Variants in KCNMA1 observed in about 807,000 individuals in gnomAD.
KCNMA1 encodes potassium calcium-activated channel subfamily M alpha 1, also known as Calcium-activated potassium channel subunit alpha-1.
Under a neutral mutation model 140.0 loss-of-function variants are expected in KCNMA1, and 29 were observed. The observed-to-expected ratio is 0.21, with a 90% CI of 0.15 to 0.28. The LOEUF (loss-of-function observed/expected upper bound fraction) is 0.28, where lower values mean the gene tolerates loss of function less well. Ranked by LOEUF, KCNMA1 falls within the 10% of genes least tolerant of loss-of-function variation. The pLI, the probability that KCNMA1 is intolerant of heterozygous loss-of-function variation, is 1.00. For missense variants in KCNMA1, 880 were observed against 1,602.2 expected (o/e 0.55, Z 7.70); for synonymous variants, 612 against 611.9 (o/e 1.00, Z 0.00).
chr10:76,926,283 G>T (rs963417336), intron 23 of KCNMA1, among the ~76,000 whole-genome samples: 4 of 152,106 alleles, frequency 2.6e-5, no homozygotes, highest in African/African-American at 9.7e-5. Context: ...ATGAGTTTGG[G>T]TCCTGCCTCT....
intron 1 of KCNMA1, among the ~76,000 whole-genome samples, chr10:77,533,003 A>G (rs557854684): frequency 6.6e-6 from 1 of 152,304 alleles, no homozygotes; most frequent in East Asian, 1.9e-4. Context: ...ATTATTCTAT[A>G]ACTTTTATTG....
At chr10:77,290,437 G>A (rs1409979482) in intron 2 of KCNMA1, among the ~76,000 whole-genome samples, 2 of 152,200 alleles carry the variant, frequency 1.3e-5, no homozygotes, top group African/African-American at 2.4e-5. Flanking sequence ...ATGAGGGACT[G>A]AAGGCCTGGG....
chr10:77,609,299 A>G (rs2085834349), intron 1 of KCNMA1, among the ~76,000 whole-genome samples: 1 of 152,250 alleles, frequency 6.6e-6, no homozygotes, highest in African/African-American at 2.4e-5. Context: ...TTCCAACAAC[A>G]TGGATGAACC....
intron 13 of KCNMA1, 117 bp downstream of exon 13, chr10:77,079,364 G>T (rs2096495775): frequency 1.5e-5 from 11 of 714,330 alleles, no homozygotes; most frequent in Non-Finnish European, 2.5e-5. Flanking sequence ...ATGTGGGCAT[G>T]TGAGAGTGTG....
In KCNMA1 at chr10:77,504,295, G is replaced by A. The variant is rs2045002654; in HGVS notation, c.379-100272C>T. Among the ~76,000 whole-genome samples the A allele has an allele frequency of 4.6e-5, 7 of 152,296 alleles. No individual in the cohort carries two copies. In the South Asian group the frequency reaches 1.5e-3, roughly 32 times the overall value. On this transcript the variant is annotated intron_variant, in intron 1 of 27. Transcript: ENST00000286628. ...CCATCACCCTCCAGATATGGTGTCT[G>A]TGCAGCTGGCAGGATTGGAACCCAG... is the stretch of plus-strand genomic sequence containing the variant.
chr10:77,565,248 A>T (rs1466658072), intron 1 of KCNMA1, among the ~76,000 whole-genome samples: 1 of 152,122 alleles, frequency 6.6e-6, no homozygotes, highest in Non-Finnish European at 1.5e-5. Context: ...GATTCCAGGG[A>T]TTCCCTCCCA....
At chr10:77,091,864 C>T (rs2096826849) in intron 9 of KCNMA1, 1 of 152,158 alleles carries the variant, frequency 6.6e-6, no homozygotes, top group Admixed American at 6.5e-5. Flanking sequence ...TAATTTGGTG[C>T]TTGACTAAGT....
intron 14 of KCNMA1, chr10:77,064,046 C>G (rs1393536959): frequency 1.0e-6 from 1 of 985,232 alleles, no homozygotes; most frequent in Non-Finnish European, 1.2e-6. Flanking sequence ...CGCTGGGCAC[C>G]GGACTCTGTG....
At chr10:77,194,011 A>T (rs2039563520) in intron 3 of KCNMA1, among the ~76,000 whole-genome samples, 1 of 152,108 alleles carries the variant, frequency 6.6e-6, no homozygotes, top group Non-Finnish European at 1.5e-5. Flanking sequence ...GGAGGCTGAT[A>T]AACAATAATC....
chr10:77,574,303 G>A lies in KCNMA1; in HGVS notation c.378+62962C>T, dbSNP rs376166296. On this transcript the variant is annotated intron_variant, in intron 1 of 27. Transcript: ENST00000286628. Reference sequence around the variant, plus strand: ...AAAATCTAGCAGAATGTATCCACATGTATATATAACACATAGATATAATAC... The same window carrying A: ...AAAATCTAGCAGAATGTATCCACATATATATATAACACATAGATATAATAC... 1.6e-3 allele frequency among the ~76,000 whole-genome samples: 246 copies of A among 151,874 alleles called. 3 individuals carry two copies. In the South Asian group the frequency reaches 0.025, roughly 15 times the overall value.
At chr10:76,919,585 A>G (rs889296365) in intron 23 of KCNMA1, among the ~76,000 whole-genome samples, 4 of 152,206 alleles carry the variant, frequency 2.6e-5, no homozygotes, top group African/African-American at 9.6e-5. Flanking sequence ...CATAGAAAAG[A>G]AATAGAATGA....
chr10:76,954,680 C>T (rs1836594399), intron 20 of KCNMA1, among the ~76,000 whole-genome samples: 1 of 152,192 alleles, frequency 6.6e-6, no homozygotes, highest in South Asian at 2.1e-4. Flanking sequence ...CCACCACCTT[C>T]ACCTCCCAAC....
chr10:77,295,814 A>G (rs1041946303), intron 2 of KCNMA1, among the ~76,000 whole-genome samples: 1 of 150,760 alleles, frequency 6.6e-6, no homozygotes, highest in South Asian at 2.1e-4. Context: ...AAAAAAAAAA[A>G]AAACAGTTTT....
At chr10:77,577,203 T>A (rs532820177) in intron 1 of KCNMA1, among the ~76,000 whole-genome samples, 19 of 151,618 alleles carry the variant, frequency 1.3e-4, no homozygotes, top group African/African-American at 4.6e-4. Context: ...CCCACCACCA[T>A]GCCCGGCTAA....
chr10:77,423,590 G>A (rs904606130), intron 1 of KCNMA1, among the ~76,000 whole-genome samples: 1 of 152,130 alleles, frequency 6.6e-6, no homozygotes, highest in African/African-American at 2.4e-5. Context: ...CAGGGGTAGG[G>A]ACTCTGTATT....
At chr10:77,344,086 A>T (rs1386761635) in intron 2 of KCNMA1, among the ~76,000 whole-genome samples, 3 of 152,218 alleles carry the variant, frequency 2.0e-5, no homozygotes, top group Admixed American at 2.0e-4. Flanking sequence ...GCCCCAGCCC[A>T]GAAGTGATGC....
intron 1 of KCNMA1, among the ~76,000 whole-genome samples, chr10:77,598,545 T>C (rs1555491431): frequency 6.6e-6 from 1 of 152,236 alleles, no homozygotes; most frequent in Non-Finnish European, 1.5e-5. Context: ...AGAAAGACTT[T>C]CTTTTTCTCC....
intron 12 of KCNMA1, among the ~76,000 whole-genome samples, chr10:77,082,003 TTTTC>T (rs1565975561): frequency 1.5e-4 from 5 of 34,390 alleles, no homozygotes; most frequent in Non-Finnish European, 3.1e-4. Flanking sequence ...TCTTTTTTTC[TTTTC>T]TTTTTTTTTT....
chr10:77,011,694 G>A (rs2090798543), intron 18 of KCNMA1, among the ~76,000 whole-genome samples: 1 of 152,118 alleles, frequency 6.6e-6, no homozygotes, highest in African/African-American at 2.4e-5. Flanking sequence ...CTGTTAGACT[G>A]GACACATCTA....
Sources: allele counts gnomAD v4.1 joint callset (sites outside exome capture counted in the v4.1 genomes callset), GRCh38; gene constraint gnomAD v4.1.1; transcripts MANE v1.5; gene names NCBI Gene and HGNC (gene_info 2026-07-23, HGNC 2026-07-21).